Variants in THAP8 observed in about 807,000 individuals in gnomAD.
THAP8 encodes THAP domain containing 8, also known as THAP domain-containing protein 8.
THAP8 carries 24 observed loss-of-function variants against 25.0 expected under a neutral mutation model. The ratio of observed to expected loss-of-function variants is 0.96; its 90% CI spans 0.69 to 1.35. THAP8 has a LOEUF of 1.35. Ranked by LOEUF, THAP8 falls within the 40% of genes most tolerant of loss-of-function variation. The pLI is 0.00. For synonymous variants in THAP8, 169 were observed against 157.6 expected (o/e 1.07, Z -0.54); for missense variants, 399 against 368.8 (o/e 1.08, Z -0.67).
chr19:36,043,214 C>T (rs1969760402), intron 1 of THAP8, among the ~76,000 whole-genome samples: 1 of 152,170 alleles, frequency 6.6e-6, no homozygotes, highest in African/African-American at 2.4e-5. Context: ...AGGTGTGAGC[C>T]ACTGCATCTG....
intron 3 of THAP8, among the ~76,000 whole-genome samples, chr19:36,037,380 A>ACACACACACACACACACACC: frequency 6.9e-6 from 1 of 145,560 alleles, no homozygotes; most frequent in African/African-American, 2.6e-5. Flanking sequence ...ACACACACAC[A>ACACACACACACACACACACC]CCCAGCAGTA....
intron 1 of THAP8, chr19:36,046,012 G>A (rs530130212): frequency 1.8e-5 from 7 of 385,238 alleles, no homozygotes; most frequent in Middle Eastern, 8.7e-4. Flanking sequence ...ACATTTGCTG[G>A]TATTTATATA....
At position 36,053,412 on chromosome 19, in the gene THAP8, A is replaced by G. The variant is rs183340580; in HGVS notation, c.83+723T>C. ...AAAAAAAAAAAAATTTAAATTATCC[A>G]GGCATGGTGGCGCGTGCCTCTGGTC... is the stretch of plus-strand genomic sequence containing the variant. On this transcript the variant is annotated intron_variant, in intron 1 of 3. Coordinates refer to ENST00000292894, the MANE Select transcript of THAP8 (RefSeq NM_152658.3). 2.8e-3 allele frequency among the ~76,000 whole-genome samples: 413 copies of G among 145,582 alleles called. 16 individuals carry two copies. The East Asian group carries it at 0.077, about 27-fold the overall frequency.
chr19:36,035,024 T>A lies in THAP8; in HGVS notation c.*416A>T, dbSNP rs566658758. The A allele has an allele frequency of 1.9e-5, 3 of 160,964 alleles. No homozygotes were observed. The highest frequency in any genetic ancestry group is 7.2e-5 in the African/African-American group (3 of 41,858). The allele number at this position is 160,964 out of a possible 1,614,324, so 10.0% of individuals were successfully genotyped here. A position where few individuals can be genotyped will look rare whatever the true frequency, so the allele number is the denominator to read the frequency against. ...TCTTGTTTATTTGTTTACTAGTTCA[T>A]CGTCTACTCAAGTAGAATGAGCACC... On this transcript the variant is annotated 3_prime_UTR_variant, in exon 4 of 4. Transcript: ENST00000292894.
intron 2 of THAP8, 67 bp from the exon 3 acceptor site, chr19:36,039,785 A>T: frequency 3.3e-6 from 5 of 1,493,206 alleles, no homozygotes; most frequent in Non-Finnish European, 4.5e-6. Context: ...AAAGGGATGG[A>T]GGGTCTGTTT....
At chr19:36,052,302 CA>C (rs2145463095) in intron 1 of THAP8, among the ~76,000 whole-genome samples, 1 of 152,344 alleles carries the variant, frequency 6.6e-6, no homozygotes, top group African/African-American at 2.4e-5. Context: ...CTTGGCCTCC[CA>C]AAGTGCTGGG....
intron 1 of THAP8, among the ~76,000 whole-genome samples, chr19:36,048,576 G>T (rs1049359184): frequency 6.6e-6 from 1 of 151,874 alleles, no homozygotes; most frequent in African/African-American, 2.4e-5. Flanking sequence ...TGTTGGCCAG[G>T]CTGGTCTCAA....
intron 1 of THAP8, among the ~76,000 whole-genome samples, chr19:36,043,181 G>A (rs1599720863): frequency 6.6e-6 from 1 of 152,172 alleles, no homozygotes; most frequent in Non-Finnish European, 1.5e-5. Context: ...ACCCACCTCG[G>A]CCTCCCAAAG....
chr19:36,039,925 AG>A lies in THAP8; in HGVS notation c.276+18del. 3 of 1,611,438 alleles carry A rather than the reference AG, an allele frequency of 1.9e-6. No individual in the cohort carries two copies. On this transcript the variant is annotated intron_variant, in intron 2 of 3. Coordinates refer to ENST00000292894, the MANE Select transcript of THAP8 (RefSeq NM_152658.3). Reference sequence around the variant, plus strand: ...GGTCTGGGGGTTGGATTCCAGCAGCAGGACCTCCCAGCGCTCACCTTGGCAG... The same window carrying A: ...GGTCTGGGGGTTGGATTCCAGCAGCAGACCTCCCAGCGCTCACCTTGGCAG...
At chr19:36,040,542 G>A (rs1969656518) in intron 1 of THAP8, among the ~76,000 whole-genome samples, 1 of 152,142 alleles carries the variant, frequency 6.6e-6, no homozygotes, top group Non-Finnish European at 1.5e-5. Context: ...GGCCAGGCTG[G>A]TCTTGAACTC....
At chr19:36,037,380 A>ACACACACACACACC (rs1024146227) in intron 3 of THAP8, among the ~76,000 whole-genome samples, 7 of 145,446 alleles carry the variant, frequency 4.8e-5, no homozygotes, top group African/African-American at 1.5e-4. Flanking sequence ...ACACACACAC[A>ACACACACACACACC]CCCAGCAGTA....
At chr19:36,042,115 A>G (rs1303418547) in intron 1 of THAP8, among the ~76,000 whole-genome samples, 3 of 151,834 alleles carry the variant, frequency 2.0e-5, no homozygotes, top group African/African-American at 7.3e-5. Flanking sequence ...GGGGAGGAAG[A>G]GGAAGAGAAG....
rs537837187 is a variant in THAP8, at chr19:36,051,906, T to G, written c.83+2229A>C. Among the ~76,000 whole-genome samples the G allele has an allele frequency of 3.3e-5, 5 of 152,280 alleles. No individual in the cohort carries two copies. In the South Asian group the frequency reaches 1.0e-3, roughly 32 times the overall value. On this transcript the variant is annotated intron_variant, in intron 1 of 3. Transcript: ENST00000292894. ...TGTATTTACAGCCACTCCCCACTGC[T>G]CGCATTACCACCTGAGTTCCGCCTC...
At chr19:36,046,907 C>T (rs1969899263) in intron 1 of THAP8, among the ~76,000 whole-genome samples, 1 of 152,124 alleles carries the variant, frequency 6.6e-6, no homozygotes, top group Admixed American at 6.5e-5. Context: ...TGTGTGGGAT[C>T]TCTGGGATGG....
chr19:36,039,191 G>A (rs548334691), intron 3 of THAP8, 132 bp downstream of exon 3: 18 of 1,305,956 alleles, frequency 1.4e-5, no homozygotes, highest in Admixed American at 7.1e-5. Flanking sequence ...CACTGAGCCC[G>A]GGAAAGCCAG....
chr19:36,054,177 G>A lies in THAP8; in HGVS notation c.41C>T (p.Ala14Val), dbSNP rs528309271. ...YCRAPNCSNTAGRLGADNRPV... is the reference protein window; with the variant it reads ...YCRAPNCSNTVGRLGADNRPV... ...GCGGTTGTCTGCACCCAGGCGGCCC[G>A]CAGTGTTGGAGCAGTTCGGCGCCCT... is the stretch of plus-strand genomic sequence containing the variant. The change falls in exon 1 of 4, where the codon GCG (alanine) becomes GTG (valine). Residue 14 changes from alanine (A) to valine (V), a missense_variant. Physicochemically the swap from Ala to Val is moderately conservative, Grantham distance 64 (BLOSUM62 0). Coordinates refer to ENST00000292894, the MANE Select transcript of THAP8 (RefSeq NM_152658.3). The A allele has an allele frequency of 2.5e-5, 40 of 1,613,980 alleles. 1 individual carries two copies. The South Asian group carries it at 4.0e-4, about 16-fold the overall frequency.
At chr19:36,037,781 A>T (rs1969529810) in intron 3 of THAP8, among the ~76,000 whole-genome samples, 1 of 152,112 alleles carries the variant, frequency 6.6e-6, no homozygotes, top group African/African-American at 2.4e-5. Context: ...CTGGGATTAC[A>T]GACGTGTGCC....
Position 36,051,930 on chromosome 19 carries a change from T to G in THAP8, c.83+2205A>C, listed in dbSNP as rs751940677. ...CTCGCATTACCACCTGAGTTCCGCC[T>G]CCTGTCAGAGCAGCAGCAGCATTAG... On this transcript the variant is annotated intron_variant, in intron 1 of 3. Coordinates refer to ENST00000292894, the MANE Select transcript of THAP8 (RefSeq NM_152658.3). Among the ~76,000 whole-genome samples the G allele has an allele frequency of 3.9e-5, 6 of 152,140 alleles. No homozygotes were observed. The East Asian group carries it at 1.2e-3, about 29-fold the overall frequency.
upstream of THAP8, chr19:36,054,498 G>A: frequency 1.7e-6 from 1 of 575,298 alleles, no homozygotes; most frequent in Non-Finnish European, 3.1e-6. Context: ...ACGTGTTGGG[G>A]GGAAGGGCGG....
Sources: gnomAD v4.1 joint callset for allele counts (sites outside exome capture counted in the v4.1 genomes callset) on GRCh38, gnomAD v4.1.1 for gene constraint, MANE v1.5 for transcripts, NCBI Gene and HGNC (gene_info 2026-07-23, HGNC 2026-07-21) for gene names.